Variants in RPS6KC1 observed in about 807,000 individuals in gnomAD.
The protein encoded by RPS6KC1 is ribosomal protein S6 kinase C1.
Under a neutral mutation model 103.8 loss-of-function variants are expected in RPS6KC1, and 54 were observed. That is an observed-to-expected ratio of 0.52 (90% CI 0.42 to 0.65). The LOEUF (loss-of-function observed/expected upper bound fraction) is 0.65. Ranked by LOEUF, RPS6KC1 falls within the 30% of genes least tolerant of loss-of-function variation. The pLI is 0.00. For missense variants in RPS6KC1, 1,151 were observed against 1,253.8 expected (o/e 0.92, Z 1.24); for synonymous variants, 439 against 438.7 (o/e 1.00, Z -0.01).
At chr1:213,602,014 TTCTTTCTTTCTTTC>T in the RPS6KC1 span, among the ~76,000 whole-genome samples, 4 of 27,010 alleles carry the variant, frequency 1.5e-4, 1 homozygote, top group African/African-American at 2.0e-4. Context: ...TTCTTTTCTT[TTCTTTCTTTCTTTC>T]TCTTTCTCTT....
intron 12 of RPS6KC1, among the ~76,000 whole-genome samples, chr1:213,246,277 C>G (rs2148981886): frequency 6.6e-6 from 1 of 152,018 alleles, no homozygotes; most frequent in African/African-American, 2.4e-5. Flanking sequence ...TCCTTTCATA[C>G]CACAGAAACA....
At chr1:213,697,756 T>C in the RPS6KC1 span, among the ~76,000 whole-genome samples, 1 of 152,180 alleles carries the variant, frequency 6.6e-6, no homozygotes, top group Admixed American at 6.5e-5. Flanking sequence ...GCCAAGAGAA[T>C]CTGGGACAAA....
intron 1 of RPS6KC1, among the ~76,000 whole-genome samples, chr1:213,066,143 A>G (rs1403471292): frequency 6.6e-6 from 1 of 152,244 alleles, no homozygotes; most frequent in African/African-American, 2.4e-5. Context: ...AGTGCCTTGA[A>G]CAGTATTAGC....
At chr1:213,100,715 T>A (rs1572524243) in intron 3 of RPS6KC1, among the ~76,000 whole-genome samples, 2 of 152,350 alleles carry the variant, frequency 1.3e-5, no homozygotes, top group Middle Eastern at 6.8e-3. Flanking sequence ...GTTAATTCAC[T>A]TAGGATAATG....
At chr1:213,396,300 G>A in the RPS6KC1 span, among the ~76,000 whole-genome samples, 37 of 152,308 alleles carry the variant, frequency 2.4e-4, no homozygotes, top group African/African-American at 8.2e-4. Context: ...ATGTGGGCAT[G>A]GTGGTGTCTG....
At chr1:213,669,693 T>G in the RPS6KC1 span, among the ~76,000 whole-genome samples, 2 of 152,144 alleles carry the variant, frequency 1.3e-5, no homozygotes, top group East Asian at 1.9e-4. Flanking sequence ...AAATGAGGTT[T>G]GCCCATCATT....
At chr1:213,564,684 G>C in the RPS6KC1 span, among the ~76,000 whole-genome samples, 2 of 152,252 alleles carry the variant, frequency 1.3e-5, no homozygotes, top group Admixed American at 1.3e-4. Flanking sequence ...AACTTTGCAG[G>C]ATCCCCTCCT....
chr1:213,265,889 A>T (rs1274840033), intron 14 of RPS6KC1, among the ~76,000 whole-genome samples: 1 of 152,218 alleles, frequency 6.6e-6, no homozygotes, highest in African/African-American at 2.4e-5. Flanking sequence ...CTGGAATCAG[A>T]ATGCTTGAAT....
At chr1:213,165,092 T>C (rs968933030) in intron 6 of RPS6KC1, among the ~76,000 whole-genome samples, 2 of 152,198 alleles carry the variant, frequency 1.3e-5, no homozygotes, top group African/African-American at 2.4e-5. Context: ...TCATCTTTTT[T>C]TTTTTCTGGT....
At chr1:213,310,682 A>G in the RPS6KC1 span, among the ~76,000 whole-genome samples, 1 of 152,358 alleles carries the variant, frequency 6.6e-6, no homozygotes, top group East Asian at 1.9e-4. Context: ...TTTTGTTTGC[A>G]GGCACTGTTT....
the RPS6KC1 span, among the ~76,000 whole-genome samples, chr1:213,459,787 G>T: frequency 3.3e-5 from 5 of 152,092 alleles, no homozygotes; most frequent in Admixed American, 1.3e-4. Context: ...GGCACATTGG[G>T]TCTTTGTTCT....
the RPS6KC1 span, among the ~76,000 whole-genome samples, chr1:213,715,531 C>T: frequency 6.6e-6 from 1 of 152,330 alleles, no homozygotes; most frequent in East Asian, 1.9e-4. Context: ...TGAGAAGCAA[C>T]AGAATGAGAT....
the RPS6KC1 span, among the ~76,000 whole-genome samples, chr1:213,737,233 G>A: frequency 2.0e-5 from 3 of 152,224 alleles, no homozygotes; most frequent in Admixed American, 1.3e-4. Flanking sequence ...AATGAGTTGA[G>A]CATTTCTTGG....
chr1:213,786,186 C>T, the RPS6KC1 span, among the ~76,000 whole-genome samples: 1 of 152,188 alleles, frequency 6.6e-6, no homozygotes, highest in South Asian at 2.1e-4. Flanking sequence ...AGGAAGTTGG[C>T]GGGAGATGAG....
chr1:213,645,953 G>A, the RPS6KC1 span, among the ~76,000 whole-genome samples: 2 of 152,278 alleles, frequency 1.3e-5, no homozygotes, highest in African/African-American at 4.8e-5. Context: ...TAGACAACCT[G>A]GTCATTCTTT....
intron 3 of RPS6KC1, among the ~76,000 whole-genome samples, chr1:213,083,992 G>A (rs1378353064): frequency 6.6e-6 from 1 of 152,084 alleles, no homozygotes; most frequent in Non-Finnish European, 1.5e-5. Flanking sequence ...TGGAGATGAG[G>A]GATGTTTCAA....
the RPS6KC1 span, among the ~76,000 whole-genome samples, chr1:213,683,655 G>A: frequency 9.0e-4 from 137 of 152,244 alleles, no homozygotes; most frequent in Non-Finnish European, 1.7e-3. Flanking sequence ...TCACACATGA[G>A]AGCCCTAACT....
At chr1:213,602,541 C>T in the RPS6KC1 span, among the ~76,000 whole-genome samples, 17 of 151,990 alleles carry the variant, frequency 1.1e-4, no homozygotes, top group South Asian at 4.1e-4. Context: ...CCTGGTGTTT[C>T]TAACATAAAA....
At chr1:213,379,172 C>T in the RPS6KC1 span, among the ~76,000 whole-genome samples, 4,852 of 152,252 alleles carry the variant, frequency 0.032, 128 homozygotes, top group Non-Finnish European at 0.036. Flanking sequence ...AGGCCTGGTA[C>T]GTGTGGATCT....
Sources: gnomAD v4.1 joint callset for allele counts (sites outside exome capture counted in the v4.1 genomes callset) on GRCh38, gnomAD v4.1.1 for gene constraint, MANE v1.5 for transcripts, NCBI Gene and HGNC (gene_info 2026-07-23, HGNC 2026-07-21) for gene names.